The following MPPED2 variants were observed in gnomAD, a reference collection of about 807,000 sequenced individuals.
MPPED2 encodes the protein metallophosphoesterase domain containing 2, also known as metallophosphoesterase MPPED2.
In MPPED2, 5 loss-of-function variants were observed where a neutral mutation model predicts 33.0. That is an observed-to-expected ratio of 0.15 (90% CI 0.08 to 0.32). The LOEUF is 0.32. Among genes scored for constraint, MPPED2 ranks in the 10% least tolerant of loss-of-function variants. The probability of loss-of-function intolerance (pLI) is 1.00; values close to 1 mark genes in which losing one functional copy is unlikely to be tolerated. For missense variants in MPPED2, 275 were observed against 372.1 expected (o/e 0.74, Z 2.15); for synonymous variants, 136 against 141.9 (o/e 0.96, Z 0.29).
chr11:30,563,712 C>A (rs1297900616), intron 2 of MPPED2, among the ~76,000 whole-genome samples: 1 of 152,102 alleles, frequency 6.6e-6, no homozygotes, highest in Non-Finnish European at 1.5e-5. Flanking sequence ...GACAAAATGA[C>A]AGGAGAAATA....
exon 7 of MPPED2, chr11:30,388,187 C>T (rs547217451): frequency 2.6e-5 from 4 of 152,318 alleles, no homozygotes; most frequent in Non-Finnish European, 5.9e-5. Flanking sequence ...ATCCTGAATC[C>T]CCCTAATCCT....
At chr11:30,407,415 C>T (rs1419589284), downstream of MPPED2, among the ~76,000 whole-genome samples, 1 of 152,204 alleles carries the variant, frequency 6.6e-6, no homozygotes, top group Non-Finnish European at 1.5e-5. Flanking sequence ...AGAATGATAG[C>T]CAAACTGGGA....
At chr11:30,438,755 T>C (rs1389140241) in intron 4 of MPPED2, among the ~76,000 whole-genome samples, 2 of 152,202 alleles carry the variant, frequency 1.3e-5, no homozygotes, top group Non-Finnish European at 2.9e-5. Context: ...AGGGCAGCCC[T>C]AAAAAGCAAT....
At chr11:30,397,430 G>A (rs983048908) in intron 6 of MPPED2, among the ~76,000 whole-genome samples, 3 of 152,032 alleles carry the variant, frequency 2.0e-5, no homozygotes, top group Admixed American at 6.6e-5. Flanking sequence ...GTTGATATTC[G>A]TTGACTTCGT....
intron 1 of MPPED2, chr11:30,584,105 C>T (rs535529266): frequency 6.6e-6 from 1 of 152,102 alleles, no homozygotes; most frequent in African/African-American, 2.4e-5. Context: ...CACCGAGCGC[C>T]CTCCCTCCCA....
intron 4 of MPPED2, among the ~76,000 whole-genome samples, chr11:30,427,410 T>G (rs1027393447): frequency 1.3e-5 from 2 of 152,222 alleles, no homozygotes; most frequent in African/African-American, 4.8e-5. Context: ...CAAGGGGATA[T>G]ACAGTTGGGG....
At chr11:30,414,191 G>T in intron 6 of MPPED2, 37 bp downstream of exon 6, 2 of 1,430,556 alleles carry the variant, frequency 1.4e-6, no homozygotes, top group Non-Finnish European at 2.0e-6. Flanking sequence ...GTGGACAGGG[G>T]CACAAAATGT....
At chr11:30,403,077 C>G (rs1335200213) in intron 6 of MPPED2, among the ~76,000 whole-genome samples, 1 of 151,964 alleles carries the variant, frequency 6.6e-6, no homozygotes, top group Non-Finnish European at 1.5e-5. Context: ...AACCCTGCCT[C>G]TACTAAAAAT....
At chr11:30,504,944 A>G in intron 3 of MPPED2, 1 of 498,178 alleles carries the variant, frequency 2.0e-6, no homozygotes. Context: ...CACTGCAGGA[A>G]TGAGCACCAG....
downstream of MPPED2, among the ~76,000 whole-genome samples, chr11:30,405,363 C>T (rs1191748239): frequency 2.6e-4 from 40 of 152,136 alleles, no homozygotes; most frequent in Admixed American, 2.6e-3. Flanking sequence ...GTAACTATGG[C>T]TTCATAAAAA....
At chr11:30,432,563 G>A (rs902304732) in intron 4 of MPPED2, among the ~76,000 whole-genome samples, 6 of 152,146 alleles carry the variant, frequency 3.9e-5, no homozygotes, top group African/African-American at 1.4e-4. Context: ...CCAGAAGTTA[G>A]ATTTCCTATA....
At chr11:30,523,389 A>G (rs992280944) in intron 3 of MPPED2, among the ~76,000 whole-genome samples, 69 of 152,240 alleles carry the variant, frequency 4.5e-4, no homozygotes, top group African/African-American at 1.6e-3. Flanking sequence ...TGGTATAAGG[A>G]TGACTATCCT....
chr11:30,505,042 C>T (rs1407086634), intron 3 of MPPED2, among the ~76,000 whole-genome samples: 2 of 152,106 alleles, frequency 1.3e-5, no homozygotes, highest in Admixed American at 6.5e-5. Context: ...TGTGATAAAC[C>T]TTAGTCCACA....
intron 4 of MPPED2, among the ~76,000 whole-genome samples, chr11:30,480,419 G>A (rs753230063): frequency 3.3e-5 from 5 of 151,812 alleles, no homozygotes; most frequent in Non-Finnish European, 5.9e-5. Context: ...TACCATCGCC[G>A]TGACTAAAAT....
chr11:30,550,375 T>A (rs985166305), intron 2 of MPPED2, among the ~76,000 whole-genome samples: 1 of 152,132 alleles, frequency 6.6e-6, no homozygotes, highest in African/African-American at 2.4e-5. Context: ...TAGAATATAA[T>A]TTTTCTTTGT....
chr11:30,514,041 A>G (rs1953380173), intron 3 of MPPED2, among the ~76,000 whole-genome samples: 1 of 152,210 alleles, frequency 6.6e-6, no homozygotes. Flanking sequence ...AGCAGATGCT[A>G]TTGATGGCAC....
chr11:30,556,682 G>A (rs902302670), intron 2 of MPPED2, among the ~76,000 whole-genome samples: 1 of 151,914 alleles, frequency 6.6e-6, no homozygotes, highest in Admixed American at 6.6e-5. Flanking sequence ...TGCAAAATGG[G>A]AATAACACCA....
At chr11:30,433,544 A>G (rs1228020140) in intron 4 of MPPED2, among the ~76,000 whole-genome samples, 1 of 152,110 alleles carries the variant, frequency 6.6e-6, no homozygotes, top group Non-Finnish European at 1.5e-5. Context: ...GTGCTTAACT[A>G]CCATGCCAGA....
Position 30,452,046 on chromosome 11 carries a change from A to T in MPPED2, c.537-34413T>A, listed in dbSNP as rs190081907. 1.6e-3 allele frequency: 1,594 copies of T among 985,412 alleles called. 4 individuals are homozygous for T. The highest frequency in any genetic ancestry group is 7.3e-3 in the Middle Eastern group (14 of 1,914). The allele number at this position is 985,412 out of a possible 1,614,324, so 61.0% of individuals were successfully genotyped here. A position where few individuals can be genotyped will look rare whatever the true frequency, so the allele number is the denominator to read the frequency against. On this transcript the variant is annotated intron_variant, in intron 4 of 6. Transcript: ENST00000358117. ...CTCATTTTGCCCTTTTTGTTCACTT[A>T]ATGCTGCCCAAAGCCACCTCAGCTT...
Sources: allele counts gnomAD v4.1 joint callset (sites outside exome capture counted in the v4.1 genomes callset), GRCh38; gene constraint gnomAD v4.1.1; transcripts MANE v1.5; gene names NCBI Gene and HGNC (gene_info 2026-07-23, HGNC 2026-07-21).